The following ABCC5 variants were observed in gnomAD, a reference collection of about 807,000 sequenced individuals.
ABCC5 encodes the protein ATP-binding cassette sub-family C member 5.
Under a neutral mutation model 160.9 loss-of-function variants are expected in ABCC5, and 61 were observed. The ratio of observed to expected loss-of-function variants is 0.38; its 90% CI spans 0.31 to 0.47. The LOEUF (loss-of-function observed/expected upper bound fraction) is 0.47. Among genes scored for constraint, ABCC5 ranks in the 20% least tolerant of loss-of-function variants. The probability of loss-of-function intolerance (pLI) is 0.99; values close to 1 mark genes in which losing one functional copy is unlikely to be tolerated. For missense variants in ABCC5, 1,308 were observed against 1,813.3 expected (o/e 0.72, Z 5.06); for synonymous variants, 666 against 700.6 (o/e 0.95, Z 0.78).
At chr3:184,014,022 G>A (rs994623691) in intron 2 of ABCC5, among the ~76,000 whole-genome samples, 2 of 152,016 alleles carry the variant, frequency 1.3e-5, no homozygotes, top group Admixed American at 6.6e-5. Flanking sequence ...ATAGGCGCCC[G>A]CCACCACGCC....
chr3:184,003,511 A>G (rs192628522), intron 2 of ABCC5, among the ~76,000 whole-genome samples: 132 of 152,314 alleles, frequency 8.7e-4, no homozygotes, highest in South Asian at 3.1e-3. Flanking sequence ...GAAGCAGAAT[A>G]CAAAAGAAAG....
Position 183,988,005 on chromosome 3 carries a change from G to GT in ABCC5, c.444-89dup, listed in dbSNP as rs766693737. 1 of 1,473,408 alleles carries GT rather than the reference G, an allele frequency of 6.8e-7. No individual in the cohort carries two copies. The highest frequency in any genetic ancestry group is 9.3e-7 in the Non-Finnish European group (1 of 1,078,384). The allele number at this position is 1,473,408 out of a possible 1,614,324, so 91.3% of individuals were successfully genotyped here. A position where few individuals can be genotyped will look rare whatever the true frequency, so the allele number is the denominator to read the frequency against. ...GCCTGCCACCACTTTTTGTCTCCAGGTTTTGCCACCACTCACACAAGTCTC... is the reference window on the plus strand; with the variant it reads ...GCCTGCCACCACTTTTTGTCTCCAGGTTTTTGCCACCACTCACACAAGTCTC... On this transcript the variant is annotated intron_variant, in intron 4 of 29. Coordinates refer to ENST00000334444, the MANE Select transcript of ABCC5 (RefSeq NM_005688.4). The surrounding 1 kb of genome is among the most constrained non-coding windows in gnomAD (Gnocchi z 4.4).
At chr3:183,939,404 G>A (rs1577476623) in intron 25 of ABCC5, among the ~76,000 whole-genome samples, 1 of 152,280 alleles carries the variant, frequency 6.6e-6, no homozygotes, top group South Asian at 2.1e-4. Flanking sequence ...TTGCACTCCA[G>A]CCTGGGCGAC....
At chr3:184,006,821 A>C (rs1284655647) in intron 2 of ABCC5, among the ~76,000 whole-genome samples, 1 of 152,108 alleles carries the variant, frequency 6.6e-6, no homozygotes, top group Admixed American at 6.6e-5. Context: ...GGGTCAGCCT[A>C]CCACAGAACT....
intron 9 of ABCC5, among the ~76,000 whole-genome samples, chr3:183,977,950 A>G (rs972718149): frequency 6.6e-6 from 1 of 152,012 alleles, no homozygotes; most frequent in Non-Finnish European, 1.5e-5. Context: ...ACAGGGTTTC[A>G]CCATGTTGGC....
chr3:183,961,436 T>C (rs1716722439), intron 16 of ABCC5, 75 bp downstream of exon 16: 12 of 1,549,088 alleles, frequency 7.7e-6, no homozygotes, highest in Admixed American at 5.6e-5. Context: ...AGCTGAGGTC[T>C]CTCCATCACT....
At chr3:183,967,953 G>C (rs920371334) in intron 11 of ABCC5, among the ~76,000 whole-genome samples, 187 bp from the exon 12 acceptor site, 8 of 152,158 alleles carry the variant, frequency 5.3e-5, no homozygotes, top group Non-Finnish European at 1.0e-4. Context: ...GGAGACACCT[G>C]AGATAACAGG....
intron 29 of ABCC5, among the ~76,000 whole-genome samples, chr3:183,924,271 C>T (rs1285181715): frequency 2.0e-5 from 3 of 152,112 alleles, no homozygotes; most frequent in East Asian, 1.9e-4. Flanking sequence ...CTGCCCGCCT[C>T]GGCCTCCCAA....
intron 17 of ABCC5, among the ~76,000 whole-genome samples, chr3:183,954,103 T>C (rs905306384): frequency 2.0e-5 from 3 of 152,250 alleles, no homozygotes; most frequent in Admixed American, 1.3e-4. Context: ...AAATGGAAGG[T>C]TACTGAAAGA....
intron 20 of ABCC5, 37 bp from the exon 21 acceptor site, chr3:183,950,162 T>C: frequency 3.8e-6 from 6 of 1,571,936 alleles, no homozygotes; most frequent in Non-Finnish European, 5.2e-6. Flanking sequence ...GTCAGATGGT[T>C]TGGAAAAATG....
chr3:184,007,272 G>A (rs986967018), intron 2 of ABCC5, among the ~76,000 whole-genome samples: 2 of 151,128 alleles, frequency 1.3e-5, no homozygotes, highest in East Asian at 2.0e-4. Context: ...TGCCCGCCTC[G>A]GCCTCCCAAA....
rs771821681 is a variant in ABCC5, at chr3:183,961,609, T to C, written c.2281A>G (p.Ile761Val). Residue 761 changes from isoleucine (I) to valine (V), a missense_variant, in exon 16 of 30, where the codon ATT becomes GTT. This residue lies in a region of ABCC5 where 1,142 missense variants were observed against 1,527.1 expected (regional missense o/e 0.75). Coordinates refer to ENST00000334444, the MANE Select transcript of ABCC5 (RefSeq NM_005688.4). Reference protein sequence around the residue: ...DEVIFMKEGCITERGTHEELM... With the variant: ...DEVIFMKEGCVTERGTHEELM... ...TCCTCATGGGTGCCTCTTTCCGTAA[T>C]ACAGCCCTCTTTCATGAAGATCACT... is the stretch of plus-strand genomic sequence containing the variant. The C allele has an allele frequency of 3.7e-6, 6 of 1,614,098 alleles. No individual in the cohort carries two copies. Among genetic ancestry groups the C allele is most frequent in the African/African-American group, 1.3e-5 (1 of 74,926 alleles).
At chr3:183,968,649 A>G (rs1717451160) in intron 11 of ABCC5, among the ~76,000 whole-genome samples, 2 of 152,236 alleles carry the variant, frequency 1.3e-5, no homozygotes, top group African/African-American at 4.8e-5. Flanking sequence ...CAAGATAAAG[A>G]GTTCTCAAAG....
At chr3:183,998,276 G>A (rs1395128953) in intron 2 of ABCC5, among the ~76,000 whole-genome samples, 2 of 152,080 alleles carry the variant, frequency 1.3e-5, no homozygotes, top group Non-Finnish European at 2.9e-5. Flanking sequence ...TTGCAAAAGA[G>A]AATTGCTATT....
chr3:183,965,618 G>A, intron 12 of ABCC5, 117 bp from the exon 13 acceptor site: 1 of 1,392,422 alleles, frequency 7.2e-7, no homozygotes, highest in Non-Finnish European at 9.8e-7. Context: ...GATGCTTTTT[G>A]GACCCAAATC....
intron 25 of ABCC5, among the ~76,000 whole-genome samples, chr3:183,941,966 T>G (rs1341219822): frequency 6.6e-6 from 1 of 150,460 alleles, no homozygotes; most frequent in African/African-American, 2.4e-5. Context: ...GAGTGAGACT[T>G]TGTCTCAAAA....
chr3:183,967,588 T>G, intron 12 of ABCC5, 107 bp downstream of exon 12: 1 of 948,068 alleles, frequency 1.1e-6, no homozygotes, highest in Non-Finnish European at 1.7e-6. Flanking sequence ...AGGCTGAGGG[T>G]TCATTTGTTT....
intron 28 of ABCC5, 117 bp from the exon 29 acceptor site, chr3:183,925,836 C>CT (rs1712487778): frequency 6.7e-6 from 6 of 898,500 alleles, no homozygotes; most frequent in South Asian, 4.2e-5. Flanking sequence ...GTTTTCTTTT[C>CT]TTTCTTTTTT....
chr3:184,005,253 ATC>A (rs1191901950), intron 2 of ABCC5, among the ~76,000 whole-genome samples: 1 of 152,154 alleles, frequency 6.6e-6, no homozygotes, highest in East Asian at 1.9e-4. Flanking sequence ...GGTTCCATCC[ATC>A]TTTTAAAGTA....
Sources: gnomAD v4.1 joint callset for allele counts (sites outside exome capture counted in the v4.1 genomes callset) on GRCh38, gnomAD v4.1.1 for gene constraint, gnomAD v4.1.1 regional missense constraint, Gnocchi (gnomAD v3.1) non-coding constraint, MANE v1.5 for transcripts, NCBI Gene and HGNC (gene_info 2026-07-23, HGNC 2026-07-21) for gene names.